MRPL30: variants seen among roughly 807,000 people sequenced by gnomAD.
MRPL30 encodes mitochondrial ribosomal protein L30.
Under a neutral mutation model 17.2 loss-of-function variants are expected in MRPL30, and 10 were observed. The ratio of observed to expected loss-of-function variants is 0.58; its 90% CI spans 0.36 to 0.99. The LOEUF (loss-of-function observed/expected upper bound fraction) is 0.99, where lower values mean the gene tolerates loss of function less well. Among genes scored for constraint, MRPL30 ranks in the 50% least tolerant of loss-of-function variants. MRPL30 has a pLI of 0.01. For synonymous variants in MRPL30, 61 were observed against 62.1 expected (o/e 0.98, Z 0.08); for missense variants, 170 against 189.8 (o/e 0.90, Z 0.61).
rs375377487 is a variant in MRPL30 at position 99,194,786 on chromosome 2, C to T, written c.168C>T (p.Tyr56=). 1.8e-5 allele frequency: 28 copies of T among 1,593,288 alleles called. No individual in the cohort carries two copies. Among genetic ancestry groups the T allele is most frequent in the Middle Eastern group, 1.7e-4 (1 of 6,046 alleles). Residue 56 remains tyrosine (Y), a synonymous_variant, in exon 4 of 6, where the codon TAC becomes TAT. Coordinates refer to ENST00000338148, the MANE Select transcript of MRPL30 (RefSeq NM_145212.4). The part of the protein sequence containing the change: ...FQASPEDHEK[Y]GGDPQNPHKL... ...CCTCACCTGAAGATCATGAAAAATACGGTGGGGATCCACAGAACCCTCATA... is the reference window on the plus strand; with the variant it reads ...CCTCACCTGAAGATCATGAAAAATATGGTGGGGATCCACAGAACCCTCATA...
intron 3 of MRPL30, among the ~76,000 whole-genome samples, chr2:99,193,968 G>A (rs753808763): frequency 6.7e-6 from 1 of 149,628 alleles, no homozygotes; most frequent in Non-Finnish European, 1.5e-5. Flanking sequence ...AACCTTGGGG[G>A]CAGAGGTTGC....
rs540787409 is a variant in MRPL30, at chr2:99,194,816, G to C, written c.198G>C (p.Leu66=). The part of the protein sequence containing the change: ...YGGDPQNPHK[L]HIVTRIKSTR... ...GGGATCCACAGAACCCTCATAAACT[G>C]CATATTGTTACCAGAATAAAAAGTA... Residue 66 remains leucine (L), a synonymous_variant, in exon 4 of 6, where the codon CTG becomes CTC. Coordinates refer to ENST00000338148, the MANE Select transcript of MRPL30 (RefSeq NM_145212.4). The C allele has an allele frequency of 5.7e-5, 91 of 1,598,694 alleles. 1 individual carries two copies. The South Asian group carries it at 1.0e-3, about 18-fold the overall frequency.
rs1452919088 is a variant in MRPL30, at chr2:99,196,150, G to T, written c.*445G>T. 1.2e-5 allele frequency: 2 copies of T among 165,852 alleles called. No homozygotes were observed. Among genetic ancestry groups the T allele is most frequent in the African/African-American group, 4.8e-5 (2 of 41,428 alleles). 10.3% of individuals were successfully genotyped at this position (165,852 alleles called of 1,614,324 possible). A position where few individuals can be genotyped will look rare whatever the true frequency, so the allele number is the denominator to read the frequency against. ...AGCTCTCTTTTACTACAGACTTGGA[G>T]ATTTTAGTTTAATTTGGTTTAATTC... On this transcript the variant is annotated 3_prime_UTR_variant, in exon 6 of 6. Coordinates refer to ENST00000338148, the MANE Select transcript of MRPL30 (RefSeq NM_145212.4).
In MRPL30 at chr2:99,195,127, T is replaced by C; in HGVS notation, c.291T>C (p.Pro97=). 1 of 1,599,476 alleles carries C rather than the reference T, an allele frequency of 6.3e-7. No individual in the cohort carries two copies. ...GTTGTTGTTCACAGGCACATACCCC[T>C]CAAGTTCACAAGAATATCCCTTCAG... ...KMLGLEKAHT[P]QVHKNIPSVN... Residue 97 remains proline (P), a synonymous_variant, in exon 5 of 6, where the codon CCT becomes CCC. Transcript: ENST00000338148.
At position 99,198,134 on chromosome 2, in the gene MRPL30, G is replaced by A. The variant is rs553216247; in HGVS notation, c.*2429G>A. Among the ~76,000 whole-genome samples, 5 of 152,302 alleles carry A rather than the reference G, an allele frequency of 3.3e-5. No individual in the cohort carries two copies. In the East Asian group the frequency reaches 5.8e-4, roughly 18 times the overall value. ...GAAGAAAAGTCTTTAGTGAAAATAT[G>A]GGCATAGGCCAGCAGCATTAGCTTT... On this transcript the variant is annotated 3_prime_UTR_variant, in exon 6 of 6. Coordinates refer to ENST00000338148, the MANE Select transcript of MRPL30 (RefSeq NM_145212.4).
At chr2:99,195,537 A>G in intron 5 of MRPL30, 36 bp from the exon 6 acceptor site, 9 of 1,580,182 alleles carry the variant, frequency 5.7e-6, no homozygotes, top group Non-Finnish European at 6.8e-6. Flanking sequence ...GCTAGAACGT[A>G]TTCCTCCTAT....
At chr2:99,185,054 G>A (rs2093931772) in intron 1 of MRPL30, among the ~76,000 whole-genome samples, 1 of 152,192 alleles carries the variant, frequency 6.6e-6, no homozygotes, top group South Asian at 2.1e-4. Context: ...TACCACCTGA[G>A]CTCCACCACC....
chr2:99,184,500 C>T (rs2093930767), intron 1 of MRPL30, among the ~76,000 whole-genome samples: 1 of 152,150 alleles, frequency 6.6e-6, no homozygotes, highest in African/African-American at 2.4e-5. Flanking sequence ...TCCCCTCTTG[C>T]TTATATGTAA....
chr2:99,183,910 A>G lies in MRPL30; in HGVS notation c.-27-2267A>G, dbSNP rs116810336. On this transcript the variant is annotated intron_variant, in intron 1 of 5. Coordinates refer to ENST00000338148, the MANE Select transcript of MRPL30 (RefSeq NM_145212.4). ...CTTCCTTAGGCTCCTCTTAACTGTG[A>G]CAGTTTCTCAGACTTTCCTTGTTTT... 9.6e-3 allele frequency among the ~76,000 whole-genome samples: 1,466 copies of G among 152,300 alleles called. 15 individuals are homozygous for G. Among genetic ancestry groups the G allele is most frequent in the African/African-American group, 0.033 (1,392 of 41,564 alleles).
At chr2:99,192,083 ACTC>A (rs2093947403) in intron 3 of MRPL30, among the ~76,000 whole-genome samples, 1 of 151,882 alleles carries the variant, frequency 6.6e-6, no homozygotes, top group African/African-American at 2.4e-5. Flanking sequence ...ACTGCTGCCA[ACTC>A]CTTCCACATC....
intron 3 of MRPL30, among the ~76,000 whole-genome samples, chr2:99,192,706 G>A (rs1007500197): frequency 5.9e-5 from 9 of 152,198 alleles, no homozygotes; most frequent in African/African-American, 2.2e-4. Flanking sequence ...ACATGTGCAT[G>A]TGTCTTTATA....
In MRPL30 at chr2:99,186,181, TA is replaced by T. The variant is rs905813962; in HGVS notation, c.-20del. 1.9e-6 allele frequency: 3 copies of T among 1,612,854 alleles called. No individual in the cohort carries two copies. The African/African-American group carries it at 4.0e-5, about 22-fold the overall frequency. On this transcript the variant is annotated 5_prime_UTR_variant, in exon 2 of 6. Coordinates refer to ENST00000338148, the MANE Select transcript of MRPL30 (RefSeq NM_145212.4). Reference sequence around the variant, plus strand: ...TCTACTTCCTACTTCCCACAGCCTCTAAAGAGAGCAATCACTACACTTATGG... The same window carrying T: ...TCTACTTCCTACTTCCCACAGCCTCTAAGAGAGCAATCACTACACTTATGG...
chr2:99,184,623 G>A (rs60653099), intron 1 of MRPL30, among the ~76,000 whole-genome samples: 8,563 of 152,188 alleles, frequency 0.056, 473 homozygotes, highest in East Asian at 0.21. Flanking sequence ...AGATATTAGG[G>A]GAATTGGAAT....
chr2:99,187,600 C>T (rs189930532), intron 2 of MRPL30, among the ~76,000 whole-genome samples: 5 of 152,200 alleles, frequency 3.3e-5, no homozygotes, highest in African/African-American at 9.6e-5. Flanking sequence ...CCAAGGTGGA[C>T]GGATCACGAG....
At chr2:99,191,460 G>A (rs1050958126) in intron 3 of MRPL30, among the ~76,000 whole-genome samples, 27 of 152,220 alleles carry the variant, frequency 1.8e-4, no homozygotes, top group African/African-American at 2.6e-4. Context: ...AAGAGGGTGC[G>A]TCTCTTGTAT....
intron 1 of MRPL30, among the ~76,000 whole-genome samples, chr2:99,185,527 G>A (rs959775223): frequency 4.6e-5 from 7 of 152,236 alleles, no homozygotes; most frequent in Admixed American, 2.0e-4. Context: ...AGTATAGTAG[G>A]CTACAGTTGT....
intron 3 of MRPL30, among the ~76,000 whole-genome samples, chr2:99,189,653 C>T (rs1227917562): frequency 6.6e-6 from 1 of 152,160 alleles, no homozygotes; most frequent in African/African-American, 2.4e-5. Context: ...GAGTTAAATA[C>T]CTGGAGCATA....
chr2:99,186,738 G>A (rs1452998470), intron 2 of MRPL30, among the ~76,000 whole-genome samples: 3 of 152,130 alleles, frequency 2.0e-5, no homozygotes, highest in Non-Finnish European at 4.4e-5. Context: ...AATAAAAAAT[G>A]GCTGTCATTG....
intron 5 of MRPL30, 159 bp downstream of exon 5, chr2:99,195,348 G>A (rs933269896): frequency 1.3e-5 from 10 of 758,322 alleles, no homozygotes; most frequent in African/African-American, 1.8e-5. Context: ...ACATATTTAT[G>A]GGGTACATAG....
Sources: allele counts gnomAD v4.1 joint callset (sites outside exome capture counted in the v4.1 genomes callset), GRCh38; gene constraint gnomAD v4.1.1; transcripts MANE v1.5; gene names NCBI Gene and HGNC (gene_info 2026-07-23, HGNC 2026-07-21).